ZNF655: variants seen among roughly 807,000 people sequenced by gnomAD.
ZNF655 encodes the protein zinc finger protein 655.
ZNF655 carries 3 observed loss-of-function variants against 6.6 expected under a neutral mutation model. That is an observed-to-expected ratio of 0.46 (90% CI 0.21 to 1.18). The LOEUF (loss-of-function observed/expected upper bound fraction) is 1.18, where lower values mean the gene tolerates loss of function less well. ZNF655 is among the 50% of genes most tolerant of loss of function. The pLI is 0.24. For synonymous variants in ZNF655, 178 were observed against 195.0 expected (o/e 0.91, Z 0.73); for missense variants, 526 against 572.3 (o/e 0.92, Z 0.83).
intron 2 of ZNF655, among the ~76,000 whole-genome samples, chr7:99,568,214 A>C (rs1803778228): frequency 6.6e-6 from 1 of 151,616 alleles, no homozygotes; most frequent in Admixed American, 6.6e-5. Flanking sequence ...TTTATAGTGG[A>C]GTTTCCTCAA....
At chr7:99,563,241 TG>T in intron 2 of ZNF655, 2 of 443,444 alleles carry the variant, frequency 4.5e-6, no homozygotes, top group Non-Finnish European at 9.1e-6. Context: ...GAAGCATCAG[TG>T]GGGTTTGTCG....
chr7:99,566,312 A>G (rs1803629052), intron 2 of ZNF655, among the ~76,000 whole-genome samples: 1 of 152,184 alleles, frequency 6.6e-6, no homozygotes, highest in African/African-American at 2.4e-5. Flanking sequence ...TGATGACAAG[A>G]AAAATTCAAA....
intron 2 of ZNF655, among the ~76,000 whole-genome samples, chr7:99,568,319 C>T (rs535002967): frequency 7.1e-6 from 1 of 141,076 alleles, no homozygotes; most frequent in African/African-American, 2.7e-5. Flanking sequence ...GGCGTGATCT[C>T]GGCTCACTGC....
intron 2 of ZNF655, among the ~76,000 whole-genome samples, chr7:99,569,133 C>G (rs948328782): frequency 6.6e-6 from 1 of 152,248 alleles, no homozygotes. Context: ...ATTTAGGATC[C>G]TGGTTCACCG....
intron 2 of ZNF655, chr7:99,570,693 TATGTG>T (rs1666705110): frequency 6.6e-6 from 1 of 152,230 alleles, no homozygotes; most frequent in Admixed American, 6.5e-5. Flanking sequence ...AACACCGTTA[TATGTG>T]ACATGTCAGG....
In ZNF655 at chr7:99,572,951, T is replaced by C; in HGVS notation, c.843T>C (p.Asp281=). 6.2e-7 allele frequency: 1 copy of C among 1,614,128 alleles called. No homozygotes were observed. Among genetic ancestry groups the C allele is most frequent in the Non-Finnish European group, 8.5e-7 (1 of 1,179,998 alleles). ...CTGATAAATCCTGTGAAGCGTCTGATAAATCCTGTAGTCCAAGCTCAGGCA... is the reference window on the plus strand; with the variant it reads ...CTGATAAATCCTGTGAAGCGTCTGACAAATCCTGTAGTCCAAGCTCAGGCA... The part of the protein sequence containing the change: ...EASDKSCEAS[D]KSCSPSSGII... The change falls in exon 3 of 3, where the codon GAT becomes GAC. Residue 281 remains aspartate (D), a synonymous_variant. Coordinates refer to ENST00000252713, the MANE Select transcript of ZNF655 (RefSeq NM_138494.3).
chr7:99,572,442 G>T lies in ZNF655; in HGVS notation c.334G>T (p.Glu112Ter). 6.2e-7 allele frequency: 1 copy of T among 1,613,814 alleles called. No homozygotes were observed. The highest frequency in any genetic ancestry group is 8.5e-7 in the Non-Finnish European group (1 of 1,179,904). The change falls in exon 3 of 3, where the codon GAG becomes TAG. Residue 112 changes from glutamate (E) to a stop codon, truncating the protein, a stop_gained. Coordinates refer to ENST00000252713, the MANE Select transcript of ZNF655 (RefSeq NM_138494.3). LOFTEE classifies it low-confidence loss of function (END_TRUNC). ...ILRKFLYLEREFRQITISKET... is the reference protein window; with the variant it reads ...ILRKFLYLER ...AAGGAAATTTCTGTACCTGGAGAGA[G>T]AGTTTAGGCAAATAACAATCAGCAA... is the stretch of plus-strand genomic sequence containing the variant.
intron 2 of ZNF655, chr7:99,564,152 A>G: frequency 1.4e-6 from 2 of 1,481,076 alleles, no homozygotes; most frequent in East Asian, 2.4e-5. Context: ...TTAATTTCAA[A>G]TGTTAGGGTC....
At position 99,573,697 on chromosome 7, in the gene ZNF655, G is replaced by T. The variant is rs1433603480; in HGVS notation, c.*113G>T. On this transcript the variant is annotated 3_prime_UTR_variant, in exon 3 of 3. Coordinates refer to ENST00000252713, the MANE Select transcript of ZNF655 (RefSeq NM_138494.3). ...GCATGTGGTAAAGCCTTCAGTCATA[G>T]CTCAGCCATTGCTCAGCATCAGATA... 8.1e-6 allele frequency: 10 copies of T among 1,239,294 alleles called. No homozygotes were observed. Among genetic ancestry groups the T allele is most frequent in the Non-Finnish European group, 1.1e-5 (10 of 897,548 alleles). 76.8% of individuals were successfully genotyped at this position (1,239,294 alleles called of 1,614,324 possible). A position where few individuals can be genotyped will look rare whatever the true frequency, so the allele number is the denominator to read the frequency against.
intron 2 of ZNF655, chr7:99,571,259 G>A (rs1174605370): frequency 3.1e-6 from 4 of 1,289,002 alleles, no homozygotes; most frequent in Non-Finnish European, 4.0e-6. Flanking sequence ...TCTTGCTACA[G>A]GTTAGCTAAC....
In ZNF655 at chr7:99,573,499, T is replaced by A; in HGVS notation, c.1391T>A (p.Phe464Tyr). ...GAAGTCCTCACCAGACAGAAAGCCT[T>A]TGATTGTGATGTATGGGAAAAGAAC... is the stretch of plus-strand genomic sequence containing the variant. ...QQEVLTRQKA[F>Y]DCDVWEKNSS... is the part of the protein sequence containing the mutation. The change falls in exon 3 of 3, where the codon TTT becomes TAT. Residue 464 changes from phenylalanine to tyrosine, a missense_variant. By Grantham distance (22) the Phe-to-Tyr change is conservative (BLOSUM62 3). Transcript: ENST00000252713. The A allele has an allele frequency of 6.2e-7, 1 of 1,612,740 alleles. No individual in the cohort carries two copies. The highest frequency in any genetic ancestry group is 8.5e-7 in the Non-Finnish European group (1 of 1,180,000).
At chr7:99,562,555 C>T (rs1803279573) in intron 2 of ZNF655, 1 of 1,563,120 alleles carries the variant, frequency 6.4e-7, no homozygotes, top group African/African-American at 1.4e-5. Context: ...TTGTTTCTTC[C>T]TAAGTATAAG....
rs541728378 is a variant in ZNF655 at position 99,576,302 on chromosome 7, A to G, written c.*2718A>G. On this transcript the variant is annotated 3_prime_UTR_variant, in exon 3 of 3. Coordinates refer to ENST00000252713, the MANE Select transcript of ZNF655 (RefSeq NM_138494.3). ...TTTCCTGTCAAACATGTATACCCTT[A>G]TGTATAGAGACCAGTAGTCACGTAT... 6 of 152,794 alleles carry G rather than the reference A, an allele frequency of 3.9e-5. No individual in the cohort carries two copies. In the South Asian group the frequency reaches 1.2e-3, roughly 32 times the overall value. 9.5% of individuals were successfully genotyped at this position (152,794 alleles called of 1,614,324 possible).
rs368457595 is a variant in ZNF655, at chr7:99,573,589, A to C, written c.*5A>C. On this transcript the variant is annotated 3_prime_UTR_variant, in exon 3 of 3. Transcript: ENST00000252713. ...CATACCAAAGAGAACTCATGAATGT[A>C]ATGAAGATGGGAAGATATTTATCAA... 8.8e-6 allele frequency: 14 copies of C among 1,591,778 alleles called. No homozygotes were observed. In the African/African-American group the frequency reaches 1.5e-4, roughly 17 times the overall value.
intron 2 of ZNF655, chr7:99,564,305 T>C: frequency 8.0e-7 from 1 of 1,249,356 alleles, no homozygotes; most frequent in Non-Finnish European, 1.0e-6. Context: ...CATATTATTT[T>C]AGAATGTGAA....
chr7:99,564,247 T>C, intron 2 of ZNF655: 2 of 1,349,436 alleles, frequency 1.5e-6, no homozygotes, highest in Non-Finnish European at 1.9e-6. Context: ...CTACTTGTAT[T>C]GTGAAAAACC....
rs1427366892 is a variant in ZNF655, at chr7:99,572,491, AC to A, written c.384del (p.Asn128LysfsTer37). On this transcript the variant is annotated frameshift_variant, in exon 3 of 3. Coordinates refer to ENST00000252713, the MANE Select transcript of ZNF655 (RefSeq NM_138494.3). LOFTEE classifies it low-confidence loss of function (END_TRUNC). ...AAGGAAACCTTCACCAGTGAGAAGA[AC>A]AATGAATGTCATGAACCCGAAAAAA... is the stretch of plus-strand genomic sequence containing the variant. ...ISKETFTSEKNNECHEPEKSF... is the reference protein window; with the variant it reads ...ISKETFTSEKXNECHEPEKSF... 1 of 1,614,062 alleles carries A rather than the reference AC, an allele frequency of 6.2e-7. No homozygotes were observed. The highest frequency in any genetic ancestry group is 8.5e-7 in the Non-Finnish European group (1 of 1,179,966).
Position 99,576,451 on chromosome 7 carries a change from G to A in ZNF655, c.*2867G>A, listed in dbSNP as rs1207644980. On this transcript the variant is annotated 3_prime_UTR_variant, in exon 3 of 3. Coordinates refer to ENST00000252713, the MANE Select transcript of ZNF655 (RefSeq NM_138494.3). ...AATAAAGGTGTGTTTGGTATTCTGA[G>A]AATTTGTTTCAAACAAAATCTGAAG... 6.6e-6 allele frequency: 1 copy of A among 152,634 alleles called. No homozygotes were observed. The highest frequency in any genetic ancestry group is 1.5e-5 in the Non-Finnish European group (1 of 68,044). 9.5% of individuals were successfully genotyped at this position (152,634 alleles called of 1,614,324 possible).
In ZNF655 at chr7:99,576,130, A is replaced by G. The variant is rs1804382305; in HGVS notation, c.*2546A>G. On this transcript the variant is annotated 3_prime_UTR_variant, in exon 3 of 3. Transcript: ENST00000252713. ...CTCACTCTATAATCCTCCTATGGCT[A>G]ACCTCTAGGATAGTTCTGCCACTAT... 1 of 152,394 alleles carries G rather than the reference A, an allele frequency of 6.6e-6. No individual in the cohort carries two copies. Among genetic ancestry groups the G allele is most frequent in the Non-Finnish European group, 1.5e-5 (1 of 68,046 alleles). The allele number at this position is 152,394 out of a possible 1,614,324, so 9.4% of individuals were successfully genotyped here.
Sources: allele counts gnomAD v4.1 joint callset (sites outside exome capture counted in the v4.1 genomes callset), GRCh38; gene constraint gnomAD v4.1.1; transcripts MANE v1.5; gene names NCBI Gene and HGNC (gene_info 2026-07-23, HGNC 2026-07-21).